SLC2A10: variants seen among roughly 807,000 people sequenced by gnomAD.
SLC2A10 encodes solute carrier family 2 member 10, also known as solute carrier family 2, facilitated glucose transporter member 10.
A neutral mutation model predicts 32.1 loss-of-function variants in SLC2A10; 25 were observed. The observed-to-expected ratio is 0.78, with a 90% CI of 0.57 to 1.09. The LOEUF is 1.09. Among genes scored for constraint, SLC2A10 ranks in the 50% least tolerant of loss-of-function variants. The probability of loss-of-function intolerance (pLI) is 0.00; values close to 1 mark genes in which losing one functional copy is unlikely to be tolerated. For missense variants in SLC2A10, 673 were observed against 686.5 expected (o/e 0.98, Z 0.22); for synonymous variants, 332 against 309.6 (o/e 1.07, Z -0.76).
rs754120063 is a variant in SLC2A10 at position 46,725,290 on chromosome 20, T to C, written c.254T>C (p.Leu85Pro). The part of the protein sequence containing the change: ...KQAILGSNLV[L>P]LAGSLTLGLA... ...GCCATCCTCGGGAGCAACTTGGTGC[T>C]GCTGGCAGGCAGCCTGACCCTGGGC... is the stretch of plus-strand genomic sequence containing the variant. The change falls in exon 2 of 5, where the codon CTG (leucine) becomes CCG (proline). Residue 85 changes from leucine (L) to proline (P), a missense_variant. Transcript: ENST00000359271. 2 of 1,614,202 alleles carry C rather than the reference T, an allele frequency of 1.2e-6. No individual in the cohort carries two copies. Among genetic ancestry groups the C allele is most frequent in the South Asian group, 1.1e-5 (1 of 91,084 alleles).
At chr20:46,729,238 C>T (rs565560651) in intron 3 of SLC2A10, 115 bp from the exon 4 acceptor site, 9 of 1,304,110 alleles carry the variant, frequency 6.9e-6, no homozygotes, top group African/African-American at 5.8e-5. Flanking sequence ...CCAACGGGAA[C>T]ATTTGCTTTG....
intron 2 of SLC2A10, 99 bp downstream of exon 2, chr20:46,726,423 G>A: frequency 6.5e-7 from 1 of 1,528,866 alleles, no homozygotes; most frequent in South Asian, 1.2e-5. Context: ...GGGTGTCAGT[G>A]GGGCACTAGA....
intron 4 of SLC2A10, among the ~76,000 whole-genome samples, chr20:46,731,341 A>T (rs2123068057): frequency 6.6e-6 from 1 of 152,276 alleles, no homozygotes; most frequent in South Asian, 2.1e-4. Flanking sequence ...TTTCCATAGA[A>T]CTTGGCTACA....
At chr20:46,724,961 CAGAT>C (rs1391556734) in intron 1 of SLC2A10, 76 bp from the exon 2 acceptor site, 2 of 1,589,242 alleles carry the variant, frequency 1.3e-6, no homozygotes, top group Admixed American at 1.7e-5. Context: ...AAGGTGTTGA[CAGAT>C]GGAGGGAAGG....
intron 1 of SLC2A10, among the ~76,000 whole-genome samples, chr20:46,713,733 A>T (rs1320469202): frequency 6.6e-6 from 1 of 152,132 alleles, no homozygotes; most frequent in Non-Finnish European, 1.5e-5. Flanking sequence ...AAATGTCATG[A>T]GGTGAAATAG....
chr20:46,729,647 T>G (rs1284487850), intron 4 of SLC2A10, among the ~76,000 whole-genome samples, 159 bp downstream of exon 4: 13 of 116,944 alleles, frequency 1.1e-4, no homozygotes, highest in Non-Finnish European at 1.8e-4. Context: ...TTTTTTTTTT[T>G]TTTTTTTTTT....
chr20:46,709,873 G>A, intron 1 of SLC2A10, 133 bp downstream of exon 1: 2 of 1,110,298 alleles, frequency 1.8e-6, no homozygotes, highest in South Asian at 1.4e-5. Flanking sequence ...CCGCCTCTCG[G>A]GTGGCCAGCC....
chr20:46,713,238 T>C (rs1979036065), intron 1 of SLC2A10, among the ~76,000 whole-genome samples: 1 of 151,858 alleles, frequency 6.6e-6, no homozygotes, highest in Admixed American at 6.6e-5. Context: ...GGGAGACCAA[T>C]AAATATGTAA....
At chr20:46,731,265 C>T (rs1049978468) in intron 4 of SLC2A10, among the ~76,000 whole-genome samples, 1 of 152,128 alleles carries the variant, frequency 6.6e-6, no homozygotes, top group South Asian at 2.1e-4. Context: ...CCCCCACATA[C>T]CTGCCAGAGG....
intron 1 of SLC2A10, among the ~76,000 whole-genome samples, chr20:46,717,239 C>G (rs1221374138): frequency 5.9e-5 from 9 of 152,112 alleles, no homozygotes; most frequent in African/African-American, 1.7e-4. Context: ...AAAAAAAACC[C>G]ACCCCATAAT....
chr20:46,709,811 TC>T, intron 1 of SLC2A10, 71 bp downstream of exon 1: 1 of 1,528,522 alleles, frequency 6.5e-7, no homozygotes, highest in Non-Finnish European at 8.8e-7. Context: ...GCCCCCACGC[TC>T]CCCTAAGAGT....
rs1445870325 is a variant in SLC2A10, at chr20:46,736,278, A to C, written c.*2444A>C. On this transcript the variant is annotated 3_prime_UTR_variant, in exon 5 of 5. Coordinates refer to ENST00000359271, the MANE Select transcript of SLC2A10 (RefSeq NM_030777.4). ...AAGATTCTGTAAGAATTAATTGGCT[A>C]TATGGAATTTAGGATAGAATATTTA... 1 of 152,222 alleles carries C rather than the reference A, an allele frequency of 6.6e-6. No homozygotes were observed. Among genetic ancestry groups the C allele is most frequent in the Non-Finnish European group, 1.5e-5 (1 of 68,042 alleles). 9.4% of individuals were successfully genotyped at this position (152,222 alleles called of 1,614,324 possible).
chr20:46,710,146 G>A (rs955204776), intron 1 of SLC2A10: 4 of 429,088 alleles, frequency 9.3e-6, no homozygotes. Flanking sequence ...TTGTGGGCCT[G>A]GGGACGCTGT....
chr20:46,711,664 A>T (rs995590116), intron 1 of SLC2A10, among the ~76,000 whole-genome samples: 2 of 152,154 alleles, frequency 1.3e-5, no homozygotes, highest in Admixed American at 1.3e-4. Context: ...GGCATAAGTC[A>T]TGGCTGCGGG....
intron 1 of SLC2A10, among the ~76,000 whole-genome samples, chr20:46,717,003 A>G (rs1421402843): frequency 6.6e-6 from 1 of 152,198 alleles, no homozygotes; most frequent in East Asian, 1.9e-4. Context: ...AGCCTGGGAA[A>G]CAGAGTAAGA....
intron 1 of SLC2A10, among the ~76,000 whole-genome samples, chr20:46,717,689 T>G (rs182860532): frequency 6.6e-6 from 1 of 152,300 alleles, no homozygotes; most frequent in African/African-American, 2.4e-5. Flanking sequence ...ACGGCCAAGT[T>G]CACCTTTTAA....
At position 46,724,875 on chromosome 20, in the gene SLC2A10, C is replaced by CGGACGGATGGAT. The variant is rs1555887757; in HGVS notation, c.5-163_5-162insCGGATGGATGGA. On this transcript the variant is annotated intron_variant, in intron 1 of 4. Transcript: ENST00000359271. ...TGAATTGATGGAGTGGATGGATGGA[C>CGGACGGATGGAT]GGATGGATGGATGGATGGATGGATG... 7.9e-5 allele frequency among the ~76,000 whole-genome samples: 11 copies of CGGACGGATGGAT among 139,874 alleles called. No individual in the cohort carries two copies. In the South Asian group the frequency reaches 1.7e-3, roughly 22 times the overall value. The allele number at this position is 139,874 out of a possible 152,430, so 91.8% of individuals were successfully genotyped here.
Position 46,734,269 on chromosome 20 carries a change from G to T in SLC2A10, c.*435G>T. 1 of 213,122 alleles carries T rather than the reference G, an allele frequency of 4.7e-6. No individual in the cohort carries two copies. Among genetic ancestry groups the T allele is most frequent in the African/African-American group, 2.4e-5 (1 of 42,284 alleles). The allele number at this position is 213,122 out of a possible 1,614,324, so 13.2% of individuals were successfully genotyped here. On this transcript the variant is annotated 3_prime_UTR_variant, in exon 5 of 5. Transcript: ENST00000359271. ...ACTGGCTGGGACATTTTCGGAAGGGGGAAGTCTCTTTTTTTACTCTTATCA... is the reference window on the plus strand; with the variant it reads ...ACTGGCTGGGACATTTTCGGAAGGGTGAAGTCTCTTTTTTTACTCTTATCA...
At chr20:46,711,606 G>C (rs915790600) in intron 1 of SLC2A10, among the ~76,000 whole-genome samples, 2 of 152,196 alleles carry the variant, frequency 1.3e-5, no homozygotes, top group Non-Finnish European at 2.9e-5. Context: ...GCCATTTGCT[G>C]AGTGCCTTCT....
Sources: gnomAD v4.1 joint callset for allele counts (sites outside exome capture counted in the v4.1 genomes callset) on GRCh38, gnomAD v4.1.1 for gene constraint, MANE v1.5 for transcripts, NCBI Gene and HGNC (gene_info 2026-07-23, HGNC 2026-07-21) for gene names.